Variants in ZFYVE28 observed in about 807,000 individuals in gnomAD.
The protein encoded by ZFYVE28 is lateral signaling target protein 2 homolog.
A neutral mutation model predicts 82.1 loss-of-function variants in ZFYVE28; 40 were observed. That is an observed-to-expected ratio of 0.49 (90% CI 0.38 to 0.63). The LOEUF (loss-of-function observed/expected upper bound fraction) is 0.63. Among genes scored for constraint, ZFYVE28 ranks in the 30% least tolerant of loss-of-function variants. The pLI is 0.00. For synonymous variants in ZFYVE28, 612 were observed against 546.1 expected, an observed-to-expected ratio of 1.12 and a Z score of -1.68; for missense variants, 1,321 against 1,242.1, an observed-to-expected ratio of 1.06 and a Z score of -0.96.
Position 2,341,579 on chromosome 4 carries a change from C to A in ZFYVE28, c.217G>T (p.Glu73Ter). 1 of 1,613,852 alleles carries A rather than the reference C, an allele frequency of 6.2e-7. No individual in the cohort carries two copies. The highest frequency in any genetic ancestry group is 8.5e-7 in the Non-Finnish European group (1 of 1,179,802). The change falls in exon 3 of 13, where the codon GAG becomes TAG. Residue 73 changes from glutamate (E) to a stop codon, truncating the protein, a stop_gained. Coordinates refer to ENST00000290974, the MANE Select transcript of ZFYVE28 (RefSeq NM_020972.3). LOFTEE classifies it high-confidence loss of function. This position sits in a 1 kb window ranked among gnomAD's most constrained non-coding sequence, Gnocchi z 4.5. Reference protein sequence around the residue: ...VLNIINQIMDECIPQDRAPRD... With the variant: ...VLNIINQIMD ...GGGGCGCGGTCCTGGGGGATGCACTCATCCATGATCTGGTTAATGATGTTC... is the reference window on the plus strand; with the variant it reads ...GGGGCGCGGTCCTGGGGGATGCACTAATCCATGATCTGGTTAATGATGTTC...
chr4:2,346,269 G>A (rs1290898356), intron 2 of ZFYVE28, among the ~76,000 whole-genome samples: 3 of 150,734 alleles, frequency 2.0e-5, no homozygotes, highest in Non-Finnish European at 2.9e-5. Context: ...GTGAACCCGG[G>A]AGGCAGAGCT....
intron 1 of ZFYVE28, among the ~76,000 whole-genome samples, chr4:2,374,549 G>T (rs4132857): frequency 0.67 from 101,572 of 152,020 alleles, 34,266 homozygotes; most frequent in East Asian, 0.8. Context: ...GGCAGGTTGA[G>T]GCTGCAGTGA....
chr4:2,301,519 C>T (rs1560163089), intron 8 of ZFYVE28, among the ~76,000 whole-genome samples: 1 of 146,436 alleles, frequency 6.8e-6, no homozygotes, highest in Non-Finnish European at 1.5e-5. Flanking sequence ...TGAGCCTCAG[C>T]GTCTGTGCTG....
intron 8 of ZFYVE28, among the ~76,000 whole-genome samples, chr4:2,280,518 TAAATA>T (rs1413184956): frequency 6.6e-6 from 1 of 152,056 alleles, no homozygotes; most frequent in African/African-American, 2.4e-5. Context: ...TCTCTTAAAA[TAAATA>T]AAATAATAAA....
At chr4:2,336,633 C>A (rs1428512674) in intron 5 of ZFYVE28, among the ~76,000 whole-genome samples, 1 of 147,172 alleles carries the variant, frequency 6.8e-6, no homozygotes, top group African/African-American at 2.5e-5. Flanking sequence ...CATTCCTGGA[C>A]TGGGGAGGTG....
At chr4:2,387,056 T>TCCAGGGCTGGGG (rs761181680) in intron 1 of ZFYVE28, among the ~76,000 whole-genome samples, 5 of 151,924 alleles carry the variant, frequency 3.3e-5, no homozygotes, top group Non-Finnish European at 5.9e-5. Flanking sequence ...TGCAGGAGAC[T>TCCAGGGCTGGGG]CCGGGGCCGG....
chr4:2,405,440 T>C (rs1731772767), intron 1 of ZFYVE28, among the ~76,000 whole-genome samples: 1 of 152,290 alleles, frequency 6.6e-6, no homozygotes. Context: ...GCAGATCGAC[T>C]GTGCTGATGG....
intron 6 of ZFYVE28, among the ~76,000 whole-genome samples, chr4:2,321,678 C>G (rs947035663): frequency 2.6e-5 from 4 of 152,130 alleles, no homozygotes; most frequent in Non-Finnish European, 4.4e-5. Context: ...CAGAGTGAAA[C>G]AGAGCAGGGA....
intron 6 of ZFYVE28, among the ~76,000 whole-genome samples, chr4:2,322,211 G>A (rs771178656): frequency 5.6e-4 from 86 of 152,330 alleles, no homozygotes; most frequent in Non-Finnish European, 5.3e-4. Context: ...GGCCAGAGGT[G>A]GGGAGCGGCC....
At position 2,335,785 on chromosome 4, in the gene ZFYVE28, G is replaced by A; in HGVS notation, c.621C>T (p.Asp207=). The A allele has an allele frequency of 6.4e-7, 1 of 1,562,196 alleles. No individual in the cohort carries two copies. Among genetic ancestry groups the A allele is most frequent in the South Asian group, 1.2e-5 (1 of 84,774 alleles). The change falls in exon 6 of 13, where the codon GAC becomes GAT. Residue 207 remains aspartate, a synonymous_variant. Coordinates refer to ENST00000290974, the MANE Select transcript of ZFYVE28 (RefSeq NM_020972.3). The surrounding 1 kb of genome is among the most constrained non-coding windows in gnomAD (Gnocchi z 5.8). ...LFCETVERAL[D]FGYLTQDMID... ...TCATGTCCTGAGTCAGGTACCCGAA[G>A]TCCAGGGCCCTGTCCGGGGAGACGG...
In ZFYVE28 at chr4:2,270,771, T is replaced by C; in HGVS notation, c.2618A>G (p.Tyr873Cys). ...GTAGAAGGGCGTGACATGGAACATG[T>C]AGCAGTGGGTGCACACTCGGACCGG... ...VKPVRVCTHC[Y>C]MFHVTPFYSD... Residue 873 changes from tyrosine to cysteine, a missense_variant, in exon 13 of 13, where the codon TAC becomes TGC. Coordinates refer to ENST00000290974, the MANE Select transcript of ZFYVE28 (RefSeq NM_020972.3). The C allele has an allele frequency of 6.2e-7, 1 of 1,613,206 alleles. No homozygotes were observed. Among genetic ancestry groups the C allele is most frequent in the Non-Finnish European group, 8.5e-7 (1 of 1,179,914 alleles).
chr4:2,271,272 G>A, intron 12 of ZFYVE28, 39 bp downstream of exon 12: 5 of 1,592,406 alleles, frequency 3.1e-6, no homozygotes, highest in Non-Finnish European at 4.3e-6. Context: ...GGACGCCCTT[G>A]GATGCTGAGG....
intron 1 of ZFYVE28, among the ~76,000 whole-genome samples, chr4:2,414,351 A>T (rs1378603926): frequency 2.6e-5 from 4 of 152,218 alleles, no homozygotes; most frequent in Non-Finnish European, 5.9e-5. Flanking sequence ...AAGCACACAC[A>T]CCCAGCAAGT....
At position 2,304,297 on chromosome 4, in the gene ZFYVE28, C is replaced by A; in HGVS notation, c.2043G>T (p.Ser681=). The change falls in exon 8 of 13, where the codon TCG becomes TCT. Residue 681 remains serine (S), a synonymous_variant. Transcript: ENST00000290974. ...PSAHEAPQAL[S]GSSSSTAGSC... Reference sequence around the variant, plus strand: ...GCCAGACTGGCTCTTACCTGGAGCCCGACAGGGCCTGAGGCGCCTCGTGAG... The same window carrying A: ...GCCAGACTGGCTCTTACCTGGAGCCAGACAGGGCCTGAGGCGCCTCGTGAG... 6.3e-7 allele frequency: 1 copy of A among 1,575,100 alleles called. No homozygotes were observed. Among genetic ancestry groups the A allele is most frequent in the Non-Finnish European group, 8.6e-7 (1 of 1,167,602 alleles).
intron 1 of ZFYVE28, among the ~76,000 whole-genome samples, chr4:2,378,268 G>C (rs1363355774): frequency 3.3e-5 from 5 of 152,176 alleles, no homozygotes; most frequent in African/African-American, 1.2e-4. Context: ...TTGAACCCGG[G>C]AGGCGGAAGT....
chr4:2,309,214 C>G (rs751773647), intron 7 of ZFYVE28, among the ~76,000 whole-genome samples: 2 of 152,198 alleles, frequency 1.3e-5, no homozygotes, highest in African/African-American at 4.8e-5. Context: ...TGTTTGGCCT[C>G]TTTGCACACG....
chr4:2,339,560 C>A lies in ZFYVE28; in HGVS notation c.414G>T (p.Val138=). ...AKELTRSLED[V]RGALRDQALR... The stretch of plus-strand genomic sequence containing the variant: ...GCGCCTGGTCACGGAGGGCGCCCCG[C>A]ACGTCCTCCAGGCTGCGCGTCAGCT... Residue 138 remains valine, a synonymous_variant, in exon 4 of 13, where the codon GTG becomes GTT. Coordinates refer to ENST00000290974, the MANE Select transcript of ZFYVE28 (RefSeq NM_020972.3). The surrounding 1 kb of genome is among the most constrained non-coding windows in gnomAD (Gnocchi z 5.0). 1.9e-6 allele frequency: 3 copies of A among 1,613,116 alleles called. No individual in the cohort carries two copies. Among genetic ancestry groups the A allele is most frequent in the Non-Finnish European group, 2.5e-6 (3 of 1,179,792 alleles).
rs1722010725 is a variant in ZFYVE28, at chr4:2,337,457, C to A, written c.561G>T (p.Glu187Asp). The A allele has an allele frequency of 6.2e-7, 1 of 1,610,792 alleles. No homozygotes were observed. Among genetic ancestry groups the A allele is most frequent in the African/African-American group, 1.3e-5 (1 of 74,976 alleles). The part of the protein sequence containing the change: ...SAMVPVKSPR[E>D]YYVQQEVIVL... ...CGATGACCTCCTGCTGCACGTAGTA[C>A]TCCCTGGGGGACTTCACAGGCACCA... The change falls in exon 5 of 13, where the codon GAG becomes GAT. Residue 187 changes from glutamate to aspartate, a missense_variant. By Grantham distance (45) the Glu-to-Asp change is conservative. Coordinates refer to ENST00000290974, the MANE Select transcript of ZFYVE28 (RefSeq NM_020972.3).
rs571194795 is a variant in ZFYVE28, at chr4:2,284,616, C to T, written c.2052-10400G>A. On this transcript the variant is annotated intron_variant, in intron 8 of 12. Coordinates refer to ENST00000290974, the MANE Select transcript of ZFYVE28 (RefSeq NM_020972.3). ...GTCAGGACAATCCCACAGTCCTGGACGCCTCTGGTTCCCCAGAGGAGTTGG... is the reference window on the plus strand; with the variant it reads ...GTCAGGACAATCCCACAGTCCTGGATGCCTCTGGTTCCCCAGAGGAGTTGG... 5.9e-5 allele frequency among the ~76,000 whole-genome samples: 9 copies of T among 152,312 alleles called. No individual in the cohort carries two copies. The East Asian group carries it at 9.6e-4, about 16-fold the overall frequency.
Sources: gnomAD v4.1 joint callset for allele counts (sites outside exome capture counted in the v4.1 genomes callset) on GRCh38, gnomAD v4.1.1 for gene constraint, Gnocchi (gnomAD v3.1) non-coding constraint, MANE v1.5 for transcripts, NCBI Gene and HGNC (gene_info 2026-07-23, HGNC 2026-07-21) for gene names.